The following DOK2 variants were observed in gnomAD, a reference collection of about 807,000 sequenced individuals.
The protein encoded by DOK2 is docking protein 2.
Under a neutral mutation model 26.0 loss-of-function variants are expected in DOK2, and 28 were observed. That is an observed-to-expected ratio of 1.08 (90% CI 0.80 to 1.48). The LOEUF is 1.48. Among genes scored for constraint, DOK2 ranks in the 40% most tolerant of loss-of-function variants. The probability of loss-of-function intolerance (pLI) is 0.00; values close to 1 mark genes in which losing one functional copy is unlikely to be tolerated. For synonymous variants in DOK2, 282 were observed against 236.9 expected (o/e 1.19, Z -1.75); for missense variants, 682 against 558.2 (o/e 1.22, Z -2.23).
chr8:21,909,348 T>G lies in DOK2; in HGVS notation c.1202A>C (p.Glu401Ala). 1 of 1,565,290 alleles carries G rather than the reference T, an allele frequency of 6.4e-7. No individual in the cohort carries two copies. The highest frequency in any genetic ancestry group is 8.7e-7 in the Non-Finnish European group (1 of 1,155,176). ...TTTCTTTAGTACAACATTGTCATAC[T>G]CAGTTCCTGGCTGCCAGCCAGAAGC... is the stretch of plus-strand genomic sequence containing the variant. ...FSASGWQPGTEYDNVVLKKGP... is the reference protein window; with the variant it reads ...FSASGWQPGTAYDNVVLKKGP... Residue 401 changes from glutamate (E) to alanine (A), a missense_variant, in exon 5 of 5, where the codon GAG becomes GCG. Glu to Ala is a moderately radical substitution (Grantham distance 107). Coordinates refer to ENST00000276420, the MANE Select transcript of DOK2 (RefSeq NM_003974.4).
At chr8:21,911,201 G>A in intron 3 of DOK2, 1 of 265,396 alleles carries the variant, frequency 3.8e-6, no homozygotes, top group East Asian at 8.9e-5. Flanking sequence ...AGTCCCTACG[G>A]TCACAGCTGC....
chr8:21,912,123 C>G, intron 2 of DOK2, 106 bp downstream of exon 2: 2 of 1,464,418 alleles, frequency 1.4e-6, no homozygotes, highest in Non-Finnish European at 1.8e-6. Context: ...ATGGAGGAAG[C>G]ACCCCATCAC....
chr8:21,909,887 C>G lies in DOK2; in HGVS notation c.663G>C (p.Glu221Asp). The change falls in exon 5 of 5, where the codon GAG becomes GAC. Residue 221 changes from glutamate (E) to aspartate (D), a missense_variant. Transcript: ENST00000276420. ...FEAGRRCVSG[E>D]GNFEFETRQG... ...GCCGGGTTTCGAACTCAAAGTTGCC[C>G]TCTCCAGAGACGCAGCGACGGCCTG... The G allele has an allele frequency of 6.2e-7, 1 of 1,613,472 alleles. No individual in the cohort carries two copies. Among genetic ancestry groups the G allele is most frequent in the Non-Finnish European group, 8.5e-7 (1 of 1,180,004 alleles).
chr8:21,909,961 C>T, intron 4 of DOK2, 30 bp from the exon 5 acceptor site: 1 of 1,585,196 alleles, frequency 6.3e-7, no homozygotes, highest in South Asian at 1.1e-5. Context: ...GGTTATTGGC[C>T]AGGCCACAGG....
At chr8:21,911,049 C>A in intron 3 of DOK2, 192 bp from the exon 4 acceptor site, 1 of 632,942 alleles carries the variant, frequency 1.6e-6, no homozygotes, top group Non-Finnish European at 2.7e-6. Context: ...AGGCCAGGTA[C>A]CTCCACCCCC....
rs969846937 is a variant in DOK2 at position 21,909,108 on chromosome 8, G to T, written c.*203C>A. ...AGGAAGTGGAAAAAGAGTAGGAGGA[G>T]GGTGGTTCTCTCCAGGGCACCCTTC... On this transcript the variant is annotated 3_prime_UTR_variant, in exon 5 of 5. Coordinates refer to ENST00000276420, the MANE Select transcript of DOK2 (RefSeq NM_003974.4). 5 of 543,246 alleles carry T rather than the reference G, an allele frequency of 9.2e-6. No homozygotes were observed. The highest frequency in any genetic ancestry group is 1.6e-5 in the Non-Finnish European group (5 of 308,492). 33.7% of individuals were successfully genotyped at this position (543,246 alleles called of 1,614,324 possible).
rs373747876 is a variant in DOK2, at chr8:21,913,550, TCTG to T, written c.49_51del (p.Gln17del). 2.5e-6 allele frequency: 4 copies of T among 1,613,864 alleles called. No individual in the cohort carries two copies. In the East Asian group the frequency reaches 8.9e-5, roughly 36 times the overall value. On this transcript the variant is annotated inframe_deletion, in exon 1 of 5. Transcript: ENST00000276420. ...AGCCTCACTCCTACCTTTCCAAACG[TCTG>T]CTGCTGCTGAAGATACAAGAAGCCT...
At chr8:21,912,888 G>A (rs1253993115) in intron 1 of DOK2, among the ~76,000 whole-genome samples, 1 of 152,214 alleles carries the variant, frequency 6.6e-6, no homozygotes, top group Non-Finnish European at 1.5e-5. Flanking sequence ...AGTGAGGAGG[G>A]CGGCGTGTGA....
At position 21,909,559 on chromosome 8, in the gene DOK2, C is replaced by G. The variant is rs139490673; in HGVS notation, c.991G>C (p.Asp331His). ...GGGGGCAGGGTCTCCTCAATGCTGT[C>G]GTACAGAGGGTCGGCCAGGAGCTGA... ...PPQLLADPLY[D>H]SIEETLPPRP... Residue 331 changes from aspartate (D) to histidine (H), a missense_variant, in exon 5 of 5, where the codon GAC (aspartate) becomes CAC (histidine). By Grantham distance (81) the Asp-to-His change is moderately conservative (BLOSUM62 -1). Coordinates refer to ENST00000276420, the MANE Select transcript of DOK2 (RefSeq NM_003974.4). 1.3e-4 allele frequency: 212 copies of G among 1,614,076 alleles called. No homozygotes were observed. The African/African-American group carries it at 2.5e-3, about 19-fold the overall frequency.
At chr8:21,910,574 C>A in intron 4 of DOK2, 99 bp downstream of exon 4, 2 of 1,461,078 alleles carry the variant, frequency 1.4e-6, no homozygotes, top group Non-Finnish European at 1.9e-6. Context: ...CACTCCATCT[C>A]CCTCTCCTGG....
At chr8:21,912,559 C>A in intron 1 of DOK2, 49 bp from the exon 2 acceptor site, 2 of 1,449,930 alleles carry the variant, frequency 1.4e-6, no homozygotes, top group Non-Finnish European at 1.8e-6. Flanking sequence ...CACCCAGAGA[C>A]GGGGAGATCG....
chr8:21,912,893 G>A (rs533292331), intron 1 of DOK2, among the ~76,000 whole-genome samples: 10 of 152,334 alleles, frequency 6.6e-5, no homozygotes, highest in East Asian at 1.9e-4. Context: ...GGAGGGCGGC[G>A]TGTGACCCGG....
intron 3 of DOK2, 25 bp from the exon 4 acceptor site, chr8:21,910,882 C>T (rs758760513): frequency 2.8e-5 from 44 of 1,569,590 alleles, no homozygotes; most frequent in Non-Finnish European, 3.6e-5. Flanking sequence ...AGAGAGAAGG[C>T]GAAGGCAGTT....
At position 21,912,461 on chromosome 8, in the gene DOK2, A is replaced by G. The variant is rs1454753928; in HGVS notation, c.113T>C (p.Leu38Ser). The change falls in exon 2 of 5, where the codon TTG becomes TCG. Residue 38 changes from leucine to serine, a missense_variant. Physicochemically the swap from Leu to Ser is moderately radical, Grantham distance 145. Transcript: ENST00000276420. ...GCCCTCCTGCAGCTCCAGCCGGGCC[A>G]AGGCGCAGTCCGACCCTCCATACAG... Reference protein sequence around the residue: ...ASLYGGSDCALARLELQEGPE... With the variant: ...ASLYGGSDCASARLELQEGPE... 6.4e-7 allele frequency: 1 copy of G among 1,564,610 alleles called. No individual in the cohort carries two copies.
chr8:21,909,766 C>T lies in DOK2; in HGVS notation c.784G>A (p.Ala262Thr), dbSNP rs539220753. 8 of 1,613,858 alleles carry T rather than the reference C, an allele frequency of 5.0e-6. No individual in the cohort carries two copies. In the African/African-American group the frequency reaches 5.3e-5, roughly 11 times the overall value. ...TPQPQPATIPASLPRPDSPYS... is the reference protein window; with the variant it reads ...TPQPQPATIPTSLPRPDSPYS... ...GGGCTATCAGGCCGGGGCAGCGACGCGGGGATTGTGGCTGGCTGCGGTTGG... is the reference window on the plus strand; with the variant it reads ...GGGCTATCAGGCCGGGGCAGCGACGTGGGGATTGTGGCTGGCTGCGGTTGG... Residue 262 changes from alanine (A) to threonine (T), a missense_variant, in exon 5 of 5, where the codon GCG becomes ACG. Physicochemically the swap from Ala to Thr is moderately conservative, Grantham distance 58. Transcript: ENST00000276420.
Position 21,909,162 on chromosome 8 carries a change from G to GGAAGGGT in DOK2, c.*148_*149insACCCTTC. ...CTTTGGGATGGTGACTCACCCAGCAGGCCCTGGGAGAGGCAATTTATCAGC... is the reference window on the plus strand; with the variant it reads ...CTTTGGGATGGTGACTCACCCAGCAGGAAGGGTGCCCTGGGAGAGGCAATTTATCAGC... On this transcript the variant is annotated 3_prime_UTR_variant, in exon 5 of 5. Transcript: ENST00000276420. 2.2e-6 allele frequency: 2 copies of GGAAGGGT among 928,668 alleles called. No individual in the cohort carries two copies. The highest frequency in any genetic ancestry group is 3.2e-6 in the Non-Finnish European group (2 of 618,716). 57.5% of individuals were successfully genotyped at this position (928,668 alleles called of 1,614,324 possible).
chr8:21,911,749 A>G (rs112710387), intron 3 of DOK2, 152 bp downstream of exon 3: 3 of 810,770 alleles, frequency 3.7e-6, no homozygotes, highest in Non-Finnish European at 5.5e-6. Context: ...CCCGGAAGCG[A>G]GAAGGAGAGG....
In DOK2 at chr8:21,909,774, GTGGC is replaced by G. The variant is rs1563298168; in HGVS notation, c.772_775del (p.Ala258GlnfsTer149). 4.3e-6 allele frequency: 7 copies of G among 1,613,984 alleles called. No individual in the cohort carries two copies. Among genetic ancestry groups the G allele is most frequent in the Non-Finnish European group, 5.1e-6 (6 of 1,180,024 alleles). ...AGGCCGGGGCAGCGACGCGGGGATT[GTGGC>G]TGGCTGCGGTTGGGGTGTAGCGGGT... On this transcript the variant is annotated frameshift_variant, in exon 5 of 5. Transcript: ENST00000276420. LOFTEE classifies it low-confidence loss of function (END_TRUNC).
intron 3 of DOK2, among the ~76,000 whole-genome samples, chr8:21,911,324 G>C (rs1809836566): frequency 6.6e-6 from 1 of 152,036 alleles, no homozygotes; most frequent in African/African-American, 2.4e-5. Flanking sequence ...GCAACACCTG[G>C]GGCCAGGCGC....
Sources: gnomAD v4.1 joint callset for allele counts (sites outside exome capture counted in the v4.1 genomes callset) on GRCh38, gnomAD v4.1.1 for gene constraint, MANE v1.5 for transcripts, NCBI Gene and HGNC (gene_info 2026-07-23, HGNC 2026-07-21) for gene names.